Variants in ANO6 observed in about 807,000 individuals in gnomAD.
ANO6 encodes anoctamin-6.
A neutral mutation model predicts 117.5 loss-of-function variants in ANO6; 106 were observed. The observed-to-expected ratio is 0.90, with a 90% CI of 0.77 to 1.06. ANO6 has a LOEUF of 1.06. Among genes scored for constraint, ANO6 ranks in the 50% least tolerant of loss-of-function variants. ANO6 has a pLI of 0.00. For synonymous variants in ANO6, 367 were observed against 385.1 expected (o/e 0.95, Z 0.55); for missense variants, 955 against 1,121.1 (o/e 0.85, Z 2.12).
chr12:45,319,375 A>C (rs1355022853), intron 2 of ANO6, among the ~76,000 whole-genome samples: 1 of 152,148 alleles, frequency 6.6e-6, no homozygotes, highest in Non-Finnish European at 1.5e-5. Context: ...TGAGATAATC[A>C]TGTGGTTTTT....
intron 12 of ANO6, 98 bp downstream of exon 12, chr12:45,390,596 G>A (rs1284299739): frequency 9.3e-7 from 1 of 1,078,528 alleles, no homozygotes; most frequent in Non-Finnish European, 1.4e-6. Flanking sequence ...GAAACTAAAT[G>A]CTGAGCCTGG....
chr12:45,355,969 A>C (rs555946817), intron 7 of ANO6, among the ~76,000 whole-genome samples: 1 of 152,212 alleles, frequency 6.6e-6, no homozygotes, highest in Non-Finnish European at 1.5e-5. Context: ...TATCGTACAG[A>C]TCAAGATGAA....
chr12:45,353,108 G>A (rs750904211), intron 7 of ANO6, among the ~76,000 whole-genome samples: 8 of 146,460 alleles, frequency 5.5e-5, no homozygotes, highest in Admixed American at 4.7e-4. Context: ...TACGTGATAC[G>A]TGGAGTTGAG....
At chr12:45,336,153 C>T (rs1417937728) in intron 3 of ANO6, among the ~76,000 whole-genome samples, 2 of 151,858 alleles carry the variant, frequency 1.3e-5, no homozygotes, top group African/African-American at 4.8e-5. Flanking sequence ...TAAAGGAGTT[C>T]CCTTTTAGTC....
At chr12:45,264,289 G>T (rs1022788030) in intron 1 of ANO6, among the ~76,000 whole-genome samples, 1 of 152,142 alleles carries the variant, frequency 6.6e-6, no homozygotes, top group Non-Finnish European at 1.5e-5. Context: ...GTATGTCTTG[G>T]CTAATGCCTG....
chr12:45,346,952 T>C, intron 3 of ANO6, 70 bp from the exon 4 acceptor site: 1 of 1,421,640 alleles, frequency 7.0e-7, no homozygotes, highest in South Asian at 1.1e-5. Context: ...ATTAATATTG[T>C]TTTAAAAAAT....
chr12:45,253,736 A>T (rs1251426767), intron 1 of ANO6, among the ~76,000 whole-genome samples: 1 of 152,232 alleles, frequency 6.6e-6, no homozygotes, highest in Non-Finnish European at 1.5e-5. Context: ...GGCTTAGATT[A>T]CATCCAAAGT....
intron 1 of ANO6, among the ~76,000 whole-genome samples, chr12:45,261,083 A>G (rs1938016133): frequency 6.6e-6 from 1 of 152,032 alleles, no homozygotes; most frequent in African/African-American, 2.4e-5. Flanking sequence ...GCCTCCCCAA[A>G]TGTTACGTTT....
chr12:45,361,663 T>A lies in ANO6; in HGVS notation c.998+4239T>A, dbSNP rs1033290840. On this transcript the variant is annotated intron_variant, in intron 8 of 19. Transcript: ENST00000320560. ...GATACTCTTTATCAGGTTGGGAAAG[T>A]TCTATTCCTAGTTTATGAGTGTTTT... Among the ~76,000 whole-genome samples the A allele has an allele frequency of 2.0e-5, 3 of 152,152 alleles. No individual in the cohort carries two copies. The South Asian group carries it at 6.2e-4, about 32-fold the overall frequency.
At chr12:45,437,576 CT>C (rs140011511) in intron 19 of ANO6, among the ~76,000 whole-genome samples, 32 of 151,126 alleles carry the variant, frequency 2.1e-4, no homozygotes, top group African/African-American at 7.1e-4. Flanking sequence ...GCTCTCATAA[CT>C]TTTTTTTTGA....
chr12:45,343,825 T>C (rs942752029), intron 3 of ANO6, among the ~76,000 whole-genome samples: 2 of 152,150 alleles, frequency 1.3e-5, no homozygotes, highest in African/African-American at 4.8e-5. Context: ...GCAGTAGCTA[T>C]GGACAGCTCC....
chr12:45,283,107 A>G (rs1410944928), intron 1 of ANO6, among the ~76,000 whole-genome samples: 1 of 152,218 alleles, frequency 6.6e-6, no homozygotes, highest in Non-Finnish European at 1.5e-5. Context: ...TCATAATGTT[A>G]CACTCAACAT....
At chr12:45,321,847 A>G (rs961274359) in intron 2 of ANO6, among the ~76,000 whole-genome samples, 4 of 152,098 alleles carry the variant, frequency 2.6e-5, no homozygotes, top group African/African-American at 7.2e-5. Flanking sequence ...GGGTACTTCC[A>G]TTTCTCCCCA....
intron 2 of ANO6, among the ~76,000 whole-genome samples, chr12:45,328,013 A>G (rs1216023765): frequency 6.6e-6 from 1 of 152,106 alleles, no homozygotes; most frequent in African/African-American, 2.4e-5. Flanking sequence ...GCCATTCCTG[A>G]GTACACCTTG....
At chr12:45,408,883 A>C (rs554256928) in intron 15 of ANO6, among the ~76,000 whole-genome samples, 42 of 152,100 alleles carry the variant, frequency 2.8e-4, no homozygotes, top group African/African-American at 8.9e-4. Context: ...TCCTTATTCA[A>C]CATCATTCTG....
intron 1 of ANO6, among the ~76,000 whole-genome samples, chr12:45,242,529 T>C (rs1947761937): frequency 6.6e-6 from 1 of 152,242 alleles, no homozygotes; most frequent in Admixed American, 6.5e-5. Context: ...TTGTGCTTCC[T>C]GGGTGAGGCG....
chr12:45,432,973 A>G (rs1316593196), downstream of ANO6, among the ~76,000 whole-genome samples: 2 of 152,224 alleles, frequency 1.3e-5, no homozygotes, highest in African/African-American at 4.8e-5. Flanking sequence ...AGTAGGTTAT[A>G]CTAACAAAGT....
At chr12:45,347,379 T>G (rs1480622734) in intron 4 of ANO6, 3 of 391,880 alleles carry the variant, frequency 7.7e-6, no homozygotes, top group African/African-American at 2.0e-5. Context: ...AAAAAATAGT[T>G]TATGGTAAAA....
chr12:45,344,040 A>G (rs1038825578), intron 3 of ANO6, among the ~76,000 whole-genome samples: 1 of 152,158 alleles, frequency 6.6e-6, no homozygotes, highest in Non-Finnish European at 1.5e-5. Flanking sequence ...TATCTGCTAT[A>G]ATGGATGTGG....
Sources: gnomAD v4.1 joint callset for allele counts (sites outside exome capture counted in the v4.1 genomes callset) on GRCh38, gnomAD v4.1.1 for gene constraint, MANE v1.5 for transcripts, NCBI Gene and HGNC (gene_info 2026-07-23, HGNC 2026-07-21) for gene names.